The following MBD5 variants were observed in gnomAD, a reference collection of about 807,000 sequenced individuals.
MBD5 encodes methyl-CpG-binding domain protein 5.
Under a neutral mutation model 117.3 loss-of-function variants are expected in MBD5, and 13 were observed. That is an observed-to-expected ratio of 0.11 (90% CI 0.07 to 0.18). The LOEUF (loss-of-function observed/expected upper bound fraction) is 0.18. MBD5 is among the 10% of genes least tolerant of loss of function. The pLI, the probability that MBD5 is intolerant of heterozygous loss-of-function variation, is 1.00. For missense variants in MBD5, 1,879 were observed against 2,093.8 expected, an observed-to-expected ratio of 0.90 and a Z score of 2.00; for synonymous variants, 727 against 766.4, an observed-to-expected ratio of 0.95 and a Z score of 0.85.
At chr2:148,297,571 G>C (rs1701684394) in intron 3 of MBD5, among the ~76,000 whole-genome samples, 1 of 152,096 alleles carries the variant, frequency 6.6e-6, no homozygotes, top group Non-Finnish European at 1.5e-5. Flanking sequence ...GCTGTAGTCT[G>C]TTCCAATTAA....
chr2:148,102,084 A>T (rs1696231107), intron 1 of MBD5, among the ~76,000 whole-genome samples: 2 of 152,186 alleles, frequency 1.3e-5, no homozygotes, highest in African/African-American at 4.8e-5. Flanking sequence ...TTTAAAACTC[A>T]TATCTGTTCC....
chr2:148,439,642 T>C (rs769140449), intron 4 of MBD5, among the ~76,000 whole-genome samples: 2 of 152,116 alleles, frequency 1.3e-5, no homozygotes, highest in Non-Finnish European at 2.9e-5. Context: ...GTAACCAGAA[T>C]TGTATCAATA....
chr2:148,323,044 G>A (rs1371637341), intron 3 of MBD5, among the ~76,000 whole-genome samples: 2 of 148,292 alleles, frequency 1.3e-5, no homozygotes, highest in South Asian at 2.1e-4. Context: ...CCCTTCCTGT[G>A]TCCATGTGTT....
intron 4 of MBD5, among the ~76,000 whole-genome samples, chr2:148,457,528 AT>A (rs765127299): frequency 6.6e-6 from 1 of 152,114 alleles, no homozygotes; most frequent in Non-Finnish European, 1.5e-5. Context: ...ATCATTGATT[AT>A]GGCTGTTTCA....
chr2:148,319,214 A>G (rs575530294), intron 3 of MBD5, among the ~76,000 whole-genome samples: 2 of 152,160 alleles, frequency 1.3e-5, no homozygotes, highest in African/African-American at 2.4e-5. Context: ...CTTTTTGCTT[A>G]CAATTGATTT....
chr2:148,137,738 C>A (rs7558404), intron 1 of MBD5, among the ~76,000 whole-genome samples: 1 of 152,082 alleles, frequency 6.6e-6, no homozygotes, highest in East Asian at 1.9e-4. Flanking sequence ...GGACTGTGGT[C>A]CCATAAGATT....
intron 4 of MBD5, among the ~76,000 whole-genome samples, chr2:148,349,604 T>A (rs1160001107): frequency 2.6e-5 from 4 of 151,986 alleles, no homozygotes; most frequent in Non-Finnish European, 5.9e-5. Flanking sequence ...AAACTGAGGT[T>A]CTGGTAAATA....
intron 8 of MBD5, among the ~76,000 whole-genome samples, chr2:148,479,694 TC>T (rs1681084076): frequency 6.7e-6 from 1 of 148,816 alleles, no homozygotes. Flanking sequence ...TTCATTACCT[TC>T]CATCTACTTT....
intron 1 of MBD5, among the ~76,000 whole-genome samples, chr2:148,037,494 T>A (rs1388087253): frequency 6.6e-6 from 1 of 151,980 alleles, no homozygotes; most frequent in African/African-American, 2.4e-5. Context: ...TTTAAAGTTA[T>A]GCCTTGTGAA....
intron 4 of MBD5, among the ~76,000 whole-genome samples, chr2:148,344,937 A>G (rs181072611): frequency 4.0e-5 from 6 of 151,892 alleles, no homozygotes; most frequent in South Asian, 4.2e-4. Context: ...GCACCTAAAC[A>G]TTTTCTCTGA....
chr2:148,099,018 G>T (rs1262892704), intron 1 of MBD5, among the ~76,000 whole-genome samples: 1 of 152,152 alleles, frequency 6.6e-6, no homozygotes. Flanking sequence ...TCGTGCCACT[G>T]TACTCCAGCC....
intron 7 of MBD5, among the ~76,000 whole-genome samples, chr2:148,466,468 G>A (rs1191860495): frequency 6.6e-6 from 1 of 151,956 alleles, no homozygotes; most frequent in Admixed American, 6.6e-5. Context: ...TTTAATCACT[G>A]AACTGTAGAT....
At chr2:148,410,379 GCTCT>G (rs1428860768) in intron 4 of MBD5, among the ~76,000 whole-genome samples, 1 of 151,922 alleles carries the variant, frequency 6.6e-6, no homozygotes, top group Non-Finnish European at 1.5e-5. Context: ...TTACTTTGGG[GCTCT>G]CTATCTTTTT....
chr2:148,092,085 A>G (rs111862458), intron 1 of MBD5, among the ~76,000 whole-genome samples: 119 of 152,348 alleles, frequency 7.8e-4, no homozygotes, highest in African/African-American at 2.7e-3. Context: ...TATCAGGTAA[A>G]TAAATGCAAA....
At chr2:148,437,587 A>G (rs1574422695) in intron 4 of MBD5, among the ~76,000 whole-genome samples, 2 of 152,052 alleles carry the variant, frequency 1.3e-5, no homozygotes, top group Non-Finnish European at 2.9e-5. Context: ...CTTTGAAAAG[A>G]GGATCTATTT....
At chr2:148,051,485 C>T (rs1287913175) in intron 1 of MBD5, among the ~76,000 whole-genome samples, 1 of 151,028 alleles carries the variant, frequency 6.6e-6, no homozygotes, top group Non-Finnish European at 1.5e-5. Flanking sequence ...GAGCAGACAT[C>T]CTTTTCTTGT....
At chr2:148,030,350 A>G (rs1173669091) in intron 1 of MBD5, among the ~76,000 whole-genome samples, 1 of 152,168 alleles carries the variant, frequency 6.6e-6, no homozygotes, top group African/African-American at 2.4e-5. Flanking sequence ...TGCAAAACTT[A>G]GATTTATAGT....
chr2:148,092,829 T>A (rs1433092487), intron 1 of MBD5, among the ~76,000 whole-genome samples: 3 of 149,958 alleles, frequency 2.0e-5, no homozygotes, highest in African/African-American at 7.4e-5. Flanking sequence ...AAAAAAAAAA[T>A]TTAAACAAAA....
chr2:148,112,785 T>C (rs1228732606), intron 1 of MBD5, among the ~76,000 whole-genome samples: 3 of 152,118 alleles, frequency 2.0e-5, no homozygotes, highest in Admixed American at 6.6e-5. Context: ...CAATCTGGAC[T>C]CAGAAATCCC....
Sources: allele counts gnomAD v4.1 joint callset (sites outside exome capture counted in the v4.1 genomes callset), GRCh38; gene constraint gnomAD v4.1.1; transcripts MANE v1.5; gene names NCBI Gene and HGNC (gene_info 2026-07-23, HGNC 2026-07-21).